Variants in TEX11 observed in about 807,000 individuals in gnomAD.
TEX11 encodes the protein testis-expressed protein 11.
TEX11 carries 7 observed loss-of-function variants against 84.4 expected under a neutral mutation model. That is an observed-to-expected ratio of 0.08 (90% CI 0.05 to 0.16). The LOEUF (loss-of-function observed/expected upper bound fraction) is 0.16. TEX11 is among the 10% of genes least tolerant of loss of function. The probability of loss-of-function intolerance (pLI) is 1.00; values close to 1 mark genes in which losing one functional copy is unlikely to be tolerated. For missense variants in TEX11, 551 were observed against 660.5 expected (o/e 0.83, Z 1.82); for synonymous variants, 264 against 222.8 (o/e 1.18, Z -1.64).
chrX:70,764,089 A>C (rs1475735670), intron 9 of TEX11, among the ~76,000 whole-genome samples: 5 of 112,312 alleles, frequency 4.5e-5, no homozygotes, highest in Non-Finnish European at 9.4e-5. Context: ...GTTAGGTCAC[A>C]AAACAAGTTG....
At chrX:70,515,131 A>C in the TEX11 span, among the ~76,000 whole-genome samples, 2 of 111,143 alleles carry the variant, frequency 1.8e-5, no homozygotes, top group Non-Finnish European at 3.8e-5. Flanking sequence ...TTTTTTTTAA[A>C]ATTATACTTT....
chrX:70,767,186 G>T (rs976690303), intron 9 of TEX11, among the ~76,000 whole-genome samples: 3 of 111,417 alleles, frequency 2.7e-5, no homozygotes, highest in Admixed American at 9.6e-5. Context: ...ACGACCCACA[G>T]AACTGAAGAA....
At chrX:70,701,915 T>A (rs987545037) in intron 13 of TEX11, among the ~76,000 whole-genome samples, 5 of 111,476 alleles carry the variant, frequency 4.5e-5, no homozygotes, top group African/African-American at 1.6e-4. Context: ...CCTGAAGATA[T>A]GATTGAATTG....
intron 13 of TEX11, among the ~76,000 whole-genome samples, chrX:70,684,848 C>A (rs1233753102): frequency 9.0e-6 from 1 of 111,175 alleles, no homozygotes; most frequent in African/African-American, 3.3e-5. Context: ...GCCAAAGCAA[C>A]CTTAAAAACA....
intron 7 of TEX11, among the ~76,000 whole-genome samples, chrX:70,835,569 A>C (rs965792965): frequency 8.0e-5 from 9 of 112,057 alleles, no homozygotes; most frequent in African/African-American, 2.9e-4. Context: ...ATCTGGAGTG[A>C]TGTCCTGCGT....
At chrX:70,747,045 A>G (rs2090772700) in intron 9 of TEX11, among the ~76,000 whole-genome samples, 1 of 112,227 alleles carries the variant, frequency 8.9e-6, no homozygotes, top group African/African-American at 3.2e-5. Flanking sequence ...CAGGGAACCC[A>G]GCTTAAAAAT....
intron 18 of TEX11, among the ~76,000 whole-genome samples, chrX:70,626,891 A>G (rs186105981): frequency 3.9e-4 from 44 of 111,913 alleles, no homozygotes; most frequent in Admixed American, 5.7e-4. Flanking sequence ...CTGAGCTCAT[A>G]ATTTGACACT....
intron 9 of TEX11, among the ~76,000 whole-genome samples, chrX:70,773,382 A>G (rs2090983347): frequency 9.0e-6 from 1 of 111,443 alleles, no homozygotes; most frequent in African/African-American, 3.3e-5. Flanking sequence ...GGAATGATAC[A>G]TTCTACATGC....
rs371849741 is a variant in TEX11, at chrX:70,648,608, C to A, written c.1483+2842G>T. 5.1e-3 allele frequency among the ~76,000 whole-genome samples: 564 copies of A among 110,682 alleles called. 4 individuals are homozygous for A. The highest frequency in any genetic ancestry group is 0.018 in the African/African-American group (535 of 30,481). On this transcript the variant is annotated intron_variant, in intron 17 of 29. Transcript: ENST00000374333. ...GGGAAAAAGATTTGTACAAACAACC[C>A]AAAAACATACATGGTTTAATAAAAT...
At chrX:70,719,345 G>A (rs2090535480) in intron 13 of TEX11, among the ~76,000 whole-genome samples, 1 of 111,807 alleles carries the variant, frequency 8.9e-6, no homozygotes, top group African/African-American at 3.2e-5. Context: ...TCATACTTAA[G>A]TTATTTTGAC....
chrX:70,715,472 T>G (rs2090488709), intron 13 of TEX11, among the ~76,000 whole-genome samples: 2 of 111,976 alleles, frequency 1.8e-5, no homozygotes, highest in Non-Finnish European at 1.9e-5. Flanking sequence ...CCATATTTCT[T>G]GGAGGCTTTT....
At chrX:70,581,297 T>C (rs1388190680) in intron 25 of TEX11, among the ~76,000 whole-genome samples, 3 of 80,551 alleles carry the variant, frequency 3.7e-5, no homozygotes, top group African/African-American at 2.0e-4. Flanking sequence ...ACTGTTGCTT[T>C]TTTTTTTTTT....
At chrX:70,837,640 G>C (rs2092823685) in intron 7 of TEX11, among the ~76,000 whole-genome samples, 1 of 110,567 alleles carries the variant, frequency 9.0e-6, no homozygotes, top group Non-Finnish European at 1.9e-5. Flanking sequence ...AAAAAAAAAT[G>C]CTGAGTGAAA....
chrX:70,640,698 A>C (rs1251086000), intron 17 of TEX11, among the ~76,000 whole-genome samples: 1 of 108,960 alleles, frequency 9.2e-6, no homozygotes, highest in East Asian at 2.9e-4. Context: ...GAAATAAAAT[A>C]CTTTACAGAC....
intron 24 of TEX11, among the ~76,000 whole-genome samples, chrX:70,597,639 C>T (rs1230504705): frequency 2.3e-4 from 26 of 111,921 alleles, no homozygotes; most frequent in Admixed American, 2.0e-3. Flanking sequence ...CACAGATCTA[C>T]ATGTAAGAGC....
At chrX:70,603,299 A>G (rs2089152656) in intron 24 of TEX11, among the ~76,000 whole-genome samples, 1 of 89,920 alleles carries the variant, frequency 1.1e-5, no homozygotes, top group African/African-American at 4.1e-5. Flanking sequence ...CTGACTTCAA[A>G]CTATACTACA....
chrX:70,601,972 A>AT (rs1365924505), intron 24 of TEX11, among the ~76,000 whole-genome samples: 30 of 110,548 alleles, frequency 2.7e-4, no homozygotes, highest in Admixed American at 9.6e-4. Flanking sequence ...CGATTTCTCA[A>AT]TTTTTTCCCC....
intron 14 of TEX11, among the ~76,000 whole-genome samples, chrX:70,679,753 G>A (rs1287017324): frequency 4.0e-4 from 43 of 107,239 alleles, no homozygotes; most frequent in African/African-American, 1.3e-3. Flanking sequence ...CCCCCCGCCC[G>A]GCCAGCCGCC....
intron 24 of TEX11, among the ~76,000 whole-genome samples, chrX:70,599,725 T>C (rs192679321): frequency 0.048 from 4,569 of 94,645 alleles, 136 homozygotes; most frequent in Non-Finnish European, 0.073. Context: ...TGTGTCCATG[T>C]GATCTCATTG....
Sources: allele counts gnomAD v4.1 joint callset (sites outside exome capture counted in the v4.1 genomes callset), GRCh38; gene constraint gnomAD v4.1.1; transcripts MANE v1.5; gene names NCBI Gene and HGNC (gene_info 2026-07-23, HGNC 2026-07-21).